The following CLEC16A variants were observed in gnomAD, a reference collection of about 807,000 sequenced individuals.
CLEC16A encodes the protein protein CLEC16A.
Under a neutral mutation model 109.5 loss-of-function variants are expected in CLEC16A, and 51 were observed. That is an observed-to-expected ratio of 0.47 (90% CI 0.37 to 0.59). CLEC16A has a LOEUF of 0.59. Among genes scored for constraint, CLEC16A ranks in the 20% least tolerant of loss-of-function variants. The pLI, the probability that CLEC16A is intolerant of heterozygous loss-of-function variation, is 0.00. For synonymous variants in CLEC16A, 673 were observed against 564.2 expected (o/e 1.19, Z -2.73); for missense variants, 1,339 against 1,394.0 (o/e 0.96, Z 0.63).
chr16:11,105,666 C>T lies in CLEC16A; in HGVS notation c.2117-14949C>T, dbSNP rs928893610. Among the ~76,000 whole-genome samples, 3 of 152,190 alleles carry T rather than the reference C, an allele frequency of 2.0e-5. No individual in the cohort carries two copies. The East Asian group carries it at 5.8e-4, about 29-fold the overall frequency. On this transcript the variant is annotated intron_variant, in intron 19 of 23. Coordinates refer to ENST00000409790, the MANE Select transcript of CLEC16A (RefSeq NM_015226.3). Reference sequence around the variant, plus strand: ...GAGCTGAGCCCAAAGCTAGCACTTCCCCCAGCCTGTGGGTACCTGAGATTG... The same window carrying T: ...GAGCTGAGCCCAAAGCTAGCACTTCTCCCAGCCTGTGGGTACCTGAGATTG...
chr16:11,058,253 A>G (rs1438666373), intron 18 of CLEC16A, among the ~76,000 whole-genome samples: 6 of 152,130 alleles, frequency 3.9e-5, no homozygotes, highest in African/African-American at 1.2e-4. Context: ...ACATTGAGAG[A>G]TTTTATTATA....
intron 1 of CLEC16A, among the ~76,000 whole-genome samples, chr16:10,946,928 A>T (rs1305754576): frequency 6.6e-6 from 1 of 152,240 alleles, no homozygotes; most frequent in African/African-American, 2.4e-5. Flanking sequence ...TGTGCTCATT[A>T]TACTGTCTTT....
At chr16:11,096,543 G>A (rs2050620083) in intron 19 of CLEC16A, among the ~76,000 whole-genome samples, 1 of 152,036 alleles carries the variant, frequency 6.6e-6, no homozygotes, top group South Asian at 2.1e-4. Context: ...ATTCACTGTA[G>A]AAAATTAAGA....
At chr16:11,030,396 A>G (rs2046671913) in intron 13 of CLEC16A, among the ~76,000 whole-genome samples, 1 of 152,224 alleles carries the variant, frequency 6.6e-6, no homozygotes. Context: ...ACCAGTGTAC[A>G]AGAGTTCTAG....
intron 9 of CLEC16A, 34 bp downstream of exon 9, chr16:10,979,416 A>G: frequency 2.5e-6 from 4 of 1,597,600 alleles, no homozygotes; most frequent in East Asian, 2.2e-5. Flanking sequence ...TCCCCACTAC[A>G]TTTGGGGTCC....
intron 10 of CLEC16A, 113 bp from the exon 11 acceptor site, chr16:11,002,961 A>T: frequency 1.3e-6 from 1 of 759,234 alleles, no homozygotes; most frequent in Non-Finnish European, 2.1e-6. Context: ...TTATGATATA[A>T]TGGTTTCTTT....
chr16:11,015,430 T>C (rs939341051), intron 11 of CLEC16A, among the ~76,000 whole-genome samples: 1 of 152,116 alleles, frequency 6.6e-6, no homozygotes, highest in African/African-American at 2.4e-5. Flanking sequence ...TCATACTCAA[T>C]ATCCAGGGTT....
rs1567233842 is a variant in CLEC16A at position 11,042,364 on chromosome 16, G to GT, written c.1770+2dup. 1 of 1,573,402 alleles carries GT rather than the reference G, an allele frequency of 6.4e-7. No homozygotes were observed. On this transcript the variant is annotated splice_donor_variant, in intron 15 of 23. Transcript: ENST00000409790. LOFTEE classifies it high-confidence loss of function. ...GGACGTGCACCTGGCCTGCCTGGAG[G>GT]TAACGCCCTCTCCGCTCCTCCTTCC... is the stretch of plus-strand genomic sequence containing the variant.
At chr16:10,966,950 G>A (rs1017049247) in intron 3 of CLEC16A, among the ~76,000 whole-genome samples, 2 of 152,160 alleles carry the variant, frequency 1.3e-5, no homozygotes, top group Non-Finnish European at 2.9e-5. Flanking sequence ...CTTAGGATTT[G>A]TGATATACAT....
intron 19 of CLEC16A, among the ~76,000 whole-genome samples, chr16:11,083,018 CCAGA>C (rs1230130242): frequency 6.6e-6 from 1 of 152,176 alleles, no homozygotes; most frequent in Non-Finnish European, 1.5e-5. Context: ...CCTGGAGAGC[CCAGA>C]CAAAGGCTCT....
intron 23 of CLEC16A, among the ~76,000 whole-genome samples, chr16:11,170,008 A>C (rs2068437962): frequency 6.6e-6 from 1 of 152,216 alleles, no homozygotes; most frequent in Non-Finnish European, 1.5e-5. Flanking sequence ...CTTGGCCCAG[A>C]GGATGCAGCT....
intron 19 of CLEC16A, among the ~76,000 whole-genome samples, chr16:11,111,917 G>A (rs760434977): frequency 2.0e-5 from 3 of 152,198 alleles, no homozygotes; most frequent in African/African-American, 7.2e-5. Flanking sequence ...GCTCTCCTTT[G>A]CTGCTATAAA....
intron 5 of CLEC16A, among the ~76,000 whole-genome samples, chr16:10,971,877 G>A (rs776230544): frequency 3.9e-5 from 6 of 152,176 alleles, no homozygotes; most frequent in South Asian, 2.1e-4. Context: ...TATTTTCCCC[G>A]GAGTCACCAC....
chr16:11,123,035 C>T (rs2052548428), intron 20 of CLEC16A, among the ~76,000 whole-genome samples: 1 of 150,690 alleles, frequency 6.6e-6, no homozygotes, highest in Non-Finnish European at 1.5e-5. Context: ...TCCTGAGTAG[C>T]TGGAACTACA....
chr16:11,057,637 G>A (rs185979874), intron 18 of CLEC16A, among the ~76,000 whole-genome samples: 2 of 152,284 alleles, frequency 1.3e-5, no homozygotes, highest in South Asian at 2.1e-4. Context: ...TGTTCTTCCT[G>A]GGTCAGTCCT....
In CLEC16A at chr16:10,971,161, A is replaced by T; in HGVS notation, c.529A>T (p.Lys177Ter). 1 of 1,613,824 alleles carries T rather than the reference A, an allele frequency of 6.2e-7. No homozygotes were observed. The highest frequency in any genetic ancestry group is 8.5e-7 in the Non-Finnish European group (1 of 1,179,752). ...NDFALYTEAI[K>*]FFNHPESMVR... ...CTTTGCCCTGTACACAGAAGCCATC[A>T]AGTTTTTCAACCACCCTGAAAGCAT... The change falls in exon 5 of 24, where the codon AAG becomes TAG. Residue 177 changes from lysine to a stop codon, truncating the protein, a stop_gained. Transcript: ENST00000409790. LOFTEE classifies it high-confidence loss of function.
At chr16:11,134,844 C>A (rs556993721) in intron 22 of CLEC16A, among the ~76,000 whole-genome samples, 1 of 152,216 alleles carries the variant, frequency 6.6e-6, no homozygotes, top group Non-Finnish European at 1.5e-5. Flanking sequence ...AGAGAGGGGC[C>A]TCAAGGGATG....
At chr16:10,994,367 C>T (rs557643551) in intron 10 of CLEC16A, among the ~76,000 whole-genome samples, 2 of 152,318 alleles carry the variant, frequency 1.3e-5, no homozygotes, top group African/African-American at 4.8e-5. Flanking sequence ...GTCTATACAT[C>T]ACCCTGGGGT....
chr16:11,043,370 A>G (rs1180344052), intron 15 of CLEC16A, among the ~76,000 whole-genome samples: 2 of 152,130 alleles, frequency 1.3e-5, no homozygotes, highest in East Asian at 3.8e-4. Flanking sequence ...TGATTGTACC[A>G]CCGCACTCCA....
Sources: allele counts gnomAD v4.1 joint callset (sites outside exome capture counted in the v4.1 genomes callset), GRCh38; gene constraint gnomAD v4.1.1; transcripts MANE v1.5; gene names NCBI Gene and HGNC (gene_info 2026-07-23, HGNC 2026-07-21).